The following PPIP5K2 variants were observed in gnomAD, a reference collection of about 807,000 sequenced individuals.
PPIP5K2 encodes the protein diphosphoinositol pentakisphosphate kinase 2, also known as inositol hexakisphosphate and diphosphoinositol-pentakisphosphate kinase 2.
PPIP5K2 carries 105 observed loss-of-function variants against 154.6 expected under a neutral mutation model. The observed-to-expected ratio is 0.68, with a 90% confidence interval of 0.58 to 0.80. PPIP5K2 has a LOEUF of 0.80. PPIP5K2 is among the 30% of genes least tolerant of loss of function. The probability of loss-of-function intolerance (pLI) is 0.00; values close to 1 mark genes in which losing one functional copy is unlikely to be tolerated. For synonymous variants in PPIP5K2, 480 were observed against 490.3 expected, an observed-to-expected ratio of 0.98 and a Z score of 0.28; for missense variants, 992 against 1,504.6, an observed-to-expected ratio of 0.66 and a Z score of 5.64.
intron 5 of PPIP5K2, among the ~76,000 whole-genome samples, chr5:103,143,062 A>G (rs560892140): frequency 6.6e-6 from 1 of 152,316 alleles, no homozygotes; most frequent in East Asian, 1.9e-4. Context: ...TTTCTTTGTA[A>G]TCAGAGTTAA....
intron 8 of PPIP5K2, among the ~76,000 whole-genome samples, chr5:103,149,887 G>A (rs997326346): frequency 1.1e-4 from 16 of 151,716 alleles, no homozygotes; most frequent in Admixed American, 7.2e-4. Context: ...AGTAGAGAGG[G>A]GGTTTCTCCA....
chr5:103,188,939 G>A (rs1800807348), intron 28 of PPIP5K2: 1 of 385,002 alleles, frequency 2.6e-6, no homozygotes, highest in Non-Finnish European at 4.6e-6. Context: ...TATTTCTTTT[G>A]AGTTTTAAGG....
chr5:103,195,026 G>A lies in PPIP5K2; in HGVS notation c.3619+1G>A. Reference sequence around the variant, plus strand: ...AGCACTAAAGCAAGCAGCAAACCAGGTAAGGGGTGTGTGTGTTGAGTTTGT... The same window carrying A: ...AGCACTAAAGCAAGCAGCAAACCAGATAAGGGGTGTGTGTGTTGAGTTTGT... On this transcript the variant is annotated splice_donor_variant, in intron 30 of 30. Transcript: ENST00000358359. LOFTEE classifies it high-confidence loss of function. 1 of 1,611,800 alleles carries A rather than the reference G, an allele frequency of 6.2e-7. No homozygotes were observed. Among genetic ancestry groups the A allele is most frequent in the Non-Finnish European group, 8.5e-7 (1 of 1,179,330 alleles).
In PPIP5K2 at chr5:103,147,801, T is replaced by G. The variant is rs1793983102; in HGVS notation, c.643-130T>G. 6.6e-6 allele frequency: 4 copies of G among 605,708 alleles called. No homozygotes were observed. The East Asian group carries it at 1.1e-4, about 17-fold the overall frequency. The allele number at this position is 605,708 out of a possible 1,614,324, so 37.5% of individuals were successfully genotyped here. A position where few individuals can be genotyped will look rare whatever the true frequency, so the allele number is the denominator to read the frequency against. On this transcript the variant is annotated intron_variant, in intron 6 of 30. Coordinates refer to ENST00000358359, the MANE Select transcript of PPIP5K2 (RefSeq NM_001276277.3). Reference sequence around the variant, plus strand: ...TATATAGTAAGTTTTGTTAAATATTTGTGGATTAAAAAATGTATTTGAAAA... The same window carrying G: ...TATATAGTAAGTTTTGTTAAATATTGGTGGATTAAAAAATGTATTTGAAAA...
intron 5 of PPIP5K2, among the ~76,000 whole-genome samples, chr5:103,142,181 G>C (rs1056416629): frequency 2.0e-5 from 3 of 152,230 alleles, no homozygotes; most frequent in African/African-American, 4.8e-5. Context: ...CCTGCCCTGC[G>C]GGAAGGCAGC....
intron 17 of PPIP5K2, among the ~76,000 whole-genome samples, chr5:103,165,608 A>G (rs1444014781): frequency 6.6e-6 from 1 of 152,098 alleles, no homozygotes; most frequent in Non-Finnish European, 1.5e-5. Context: ...CAAACAGCAA[A>G]TTTATGGTGA....
At chr5:103,137,250 C>G (rs1422094101) in intron 4 of PPIP5K2, among the ~76,000 whole-genome samples, 3 of 151,708 alleles carry the variant, frequency 2.0e-5, no homozygotes, top group Admixed American at 2.0e-4. Context: ...GCAAGCTCCC[C>G]CTCCCGGGTT....
chr5:103,192,669 G>A (rs1801422558), intron 29 of PPIP5K2, among the ~76,000 whole-genome samples: 1 of 151,996 alleles, frequency 6.6e-6, no homozygotes, highest in Non-Finnish European at 1.5e-5. Flanking sequence ...TTTGTTCTGT[G>A]GTACTCTTGA....
chr5:103,153,300 T>C lies in PPIP5K2; in HGVS notation c.1131-548T>C, dbSNP rs76265339. 5.1e-3 allele frequency among the ~76,000 whole-genome samples: 777 copies of C among 151,962 alleles called. 18 individuals are homozygous for C. Among genetic ancestry groups the C allele is most frequent in the East Asian group, 0.05 (260 of 5,176 alleles). ...TAAAATTTTTTTCAGGTAACTCAAT[T>C]GATAATCCTGCAGGGTTATGTTCTG... On this transcript the variant is annotated intron_variant, in intron 10 of 30. Transcript: ENST00000358359.
chr5:103,200,892 C>A (rs1039595425), intron 30 of PPIP5K2, among the ~76,000 whole-genome samples: 1 of 152,056 alleles, frequency 6.6e-6, no homozygotes. Context: ...CCCACGTTGG[C>A]CCTCCAAAGT....
intron 17 of PPIP5K2, among the ~76,000 whole-genome samples, chr5:103,166,134 C>T (rs1797083131): frequency 6.6e-6 from 1 of 152,058 alleles, no homozygotes; most frequent in Non-Finnish European, 1.5e-5. Flanking sequence ...CCAGTCAAAG[C>T]AGAAGCAGAC....
intron 7 of PPIP5K2, 69 bp from the exon 8 acceptor site, chr5:103,149,083 G>A (rs1319733971): frequency 8.7e-7 from 1 of 1,147,280 alleles, no homozygotes; most frequent in Non-Finnish European, 1.2e-6. Flanking sequence ...TGTATTTGTT[G>A]TCTGTTGGTT....
chr5:103,174,508 C>T (rs1199879583), intron 21 of PPIP5K2, among the ~76,000 whole-genome samples: 3 of 151,920 alleles, frequency 2.0e-5, no homozygotes, highest in African/African-American at 7.3e-5. Context: ...AGGGTTTTCT[C>T]TCATGTTTGG....
chr5:103,152,793 C>T, intron 10 of PPIP5K2, 44 bp downstream of exon 10: 1 of 1,290,238 alleles, frequency 7.8e-7, no homozygotes, highest in Admixed American at 1.8e-5. Context: ...TTTTCCTTGC[C>T]ATCTGTGCTA....
chr5:103,189,724 T>C (rs371583376), intron 28 of PPIP5K2, among the ~76,000 whole-genome samples: 35 of 152,214 alleles, frequency 2.3e-4, no homozygotes, highest in African/African-American at 8.4e-4. Flanking sequence ...AGATTCTCTT[T>C]TAACCAAAGT....
intron 25 of PPIP5K2, 145 bp from the exon 26 acceptor site, chr5:103,184,527 T>A: frequency 1.7e-6 from 1 of 588,590 alleles, no homozygotes; most frequent in Non-Finnish European, 2.9e-6. Flanking sequence ...GGATCTTGCA[T>A]GATCTTTCAT....
Position 103,203,263 on chromosome 5 carries a change from C to T in PPIP5K2, c.*1629C>T, listed in dbSNP as rs1277494931. ...TTCTTATCTCTTACTTTTTAGTTTT[C>T]AAAGTAGAAAAAATCAGGAATTTTT... is the stretch of plus-strand genomic sequence containing the variant. On this transcript the variant is annotated 3_prime_UTR_variant, in exon 31 of 31. Coordinates refer to ENST00000358359, the MANE Select transcript of PPIP5K2 (RefSeq NM_001276277.3). 1 of 151,920 alleles carries T rather than the reference C, an allele frequency of 6.6e-6. No homozygotes were observed. The highest frequency in any genetic ancestry group is 2.4e-5 in the African/African-American group (1 of 41,286). The allele number at this position is 151,920 out of a possible 1,614,324, so 9.4% of individuals were successfully genotyped here.
chr5:103,185,210 CA>C (rs1404064640), intron 26 of PPIP5K2, among the ~76,000 whole-genome samples: 2 of 152,154 alleles, frequency 1.3e-5, no homozygotes, highest in Non-Finnish European at 1.5e-5. Flanking sequence ...AACTAATGCA[CA>C]GTGGCAGTCT....
At position 103,211,412 on chromosome 5, in the gene PPIP5K2, A is replaced by G. The variant is rs993326937; in HGVS notation, c.*9778A>G. 2.0e-5 allele frequency: 3 copies of G among 152,136 alleles called. No individual in the cohort carries two copies. The highest frequency in any genetic ancestry group is 4.4e-5 in the Non-Finnish European group (3 of 67,964). The allele number at this position is 152,136 out of a possible 1,614,324, so 9.4% of individuals were successfully genotyped here. On this transcript the variant is annotated 3_prime_UTR_variant, in exon 31 of 31. Coordinates refer to ENST00000358359, the MANE Select transcript of PPIP5K2 (RefSeq NM_001276277.3). ...GTGAAGCCAGGAAGCTACCATATACATAGAAAAGTTAGTTGCCAAATATGG... is the reference window on the plus strand; with the variant it reads ...GTGAAGCCAGGAAGCTACCATATACGTAGAAAAGTTAGTTGCCAAATATGG...
Sources: gnomAD v4.1 joint callset for allele counts (sites outside exome capture counted in the v4.1 genomes callset) on GRCh38, gnomAD v4.1.1 for gene constraint, MANE v1.5 for transcripts, NCBI Gene and HGNC (gene_info 2026-07-23, HGNC 2026-07-21) for gene names.